Variants in DPF3 observed in about 807,000 individuals in gnomAD.
DPF3 encodes the protein zinc finger protein DPF3.
DPF3 carries 18 observed loss-of-function variants against 56.8 expected under a neutral mutation model. The observed-to-expected ratio is 0.32, with a 90% CI of 0.22 to 0.47. DPF3 has a LOEUF of 0.47. DPF3 is among the 20% of genes least tolerant of loss of function. The probability of loss-of-function intolerance (pLI) is 1.00; values close to 1 mark genes in which losing one functional copy is unlikely to be tolerated. For missense variants in DPF3, 403 were observed against 488.8 expected, an observed-to-expected ratio of 0.82 and a Z score of 1.65; for synonymous variants, 188 against 180.2, an observed-to-expected ratio of 1.04 and a Z score of -0.35.
At chr14:72,750,646 T>C (rs1170852586) in intron 3 of DPF3, among the ~76,000 whole-genome samples, 3 of 152,062 alleles carry the variant, frequency 2.0e-5, no homozygotes, top group Non-Finnish European at 4.4e-5. Context: ...TGAAGAAACT[T>C]TATATTTTGC....
At position 72,612,099 on chromosome 14, in the gene DPF3, T is replaced by C. The variant is rs1310869845; in HGVS notation, c.*7198A>G. On this transcript the variant is annotated 3_prime_UTR_variant, in exon 11 of 11. Transcript: ENST00000556509. Reference sequence around the variant, plus strand: ...TAACAGCCTGCCCTGCAATGATTCATGGCAGGCAAAAGATGGGTTCATTTT... The same window carrying C: ...TAACAGCCTGCCCTGCAATGATTCACGGCAGGCAAAAGATGGGTTCATTTT... Among the ~76,000 whole-genome samples, 4 of 152,164 alleles carry C rather than the reference T, an allele frequency of 2.6e-5. No homozygotes were observed. Among genetic ancestry groups the C allele is most frequent in the Non-Finnish European group, 5.9e-5 (4 of 68,018 alleles).
chr14:72,863,189 C>T (rs1885524503), intron 1 of DPF3, among the ~76,000 whole-genome samples: 1 of 143,746 alleles, frequency 7.0e-6, no homozygotes, highest in Non-Finnish European at 1.5e-5. Flanking sequence ...TATCCCCAGG[C>T]CTTTCTCAAG....
intron 3 of DPF3, among the ~76,000 whole-genome samples, chr14:72,743,804 T>C (rs955341327): frequency 6.6e-6 from 1 of 152,202 alleles, no homozygotes; most frequent in Non-Finnish European, 1.5e-5. Context: ...GGGAGGCCCC[T>C]TGCTGGCACC....
chr14:72,650,550 T>A (rs1280374064), intron 8 of DPF3, among the ~76,000 whole-genome samples: 1 of 152,166 alleles, frequency 6.6e-6, no homozygotes, highest in Non-Finnish European at 1.5e-5. Context: ...TCTTTGCACC[T>A]GACAGCTGAG....
chr14:72,844,371 G>C (rs1884667326), intron 1 of DPF3, among the ~76,000 whole-genome samples: 1 of 152,058 alleles, frequency 6.6e-6, no homozygotes, highest in African/African-American at 2.4e-5. Context: ...ACTCAATAAA[G>C]CTCTCTTCAT....
intron 6 of DPF3, among the ~76,000 whole-genome samples, chr14:72,704,897 G>C (rs1210405604): frequency 6.6e-6 from 1 of 152,026 alleles, no homozygotes; most frequent in Admixed American, 6.6e-5. Context: ...CCACCATCCA[G>C]ATTTCATGTC....
intron 1 of DPF3, among the ~76,000 whole-genome samples, chr14:72,867,592 A>C (rs1885724591): frequency 6.6e-6 from 1 of 152,180 alleles, no homozygotes; most frequent in African/African-American, 2.4e-5. Context: ...AGACATAAAA[A>C]CAAGAGCATC....
intron 9 of DPF3, among the ~76,000 whole-genome samples, chr14:72,627,563 T>G (rs1177048571): frequency 2.6e-5 from 4 of 152,096 alleles, no homozygotes; most frequent in Non-Finnish European, 5.9e-5. Flanking sequence ...GGCTTTACAG[T>G]ATGTTTTAAT....
At chr14:72,641,542 T>C (rs1599323575) in intron 8 of DPF3, among the ~76,000 whole-genome samples, 1 of 152,176 alleles carries the variant, frequency 6.6e-6, no homozygotes, top group Non-Finnish European at 1.5e-5. Context: ...CTGGGGCAGG[T>C]CCTGATGGAG....
rs904262206 is a variant in DPF3 at position 72,614,460 on chromosome 14, C to T, written c.*4837G>A. 1.3e-5 allele frequency among the ~76,000 whole-genome samples: 2 copies of T among 152,140 alleles called. No individual in the cohort carries two copies. Among genetic ancestry groups the T allele is most frequent in the East Asian group, 1.9e-4 (1 of 5,178 alleles). On this transcript the variant is annotated 3_prime_UTR_variant, in exon 11 of 11. Coordinates refer to ENST00000556509, the MANE Select transcript of DPF3 (RefSeq NM_001280542.3). Reference sequence around the variant, plus strand: ...AGGGGAGAGGAGCAGGATGGCCAGTCCCCCTCTTCCCTTCCCAGCTACTGG... The same window carrying T: ...AGGGGAGAGGAGCAGGATGGCCAGTTCCCCTCTTCCCTTCCCAGCTACTGG...
At chr14:72,685,955 G>C (rs1258292215) in intron 7 of DPF3, among the ~76,000 whole-genome samples, 1 of 152,132 alleles carries the variant, frequency 6.6e-6, no homozygotes, top group African/African-American at 2.4e-5. Flanking sequence ...TCTCTGGCTG[G>C]GTTTTATGAC....
At chr14:72,656,663 G>A (rs550157366) in intron 8 of DPF3, among the ~76,000 whole-genome samples, 1 of 152,126 alleles carries the variant, frequency 6.6e-6, no homozygotes, top group Admixed American at 6.5e-5. Flanking sequence ...CTAACTTCTG[G>A]GTGACTTCAT....
intron 8 of DPF3, among the ~76,000 whole-genome samples, chr14:72,664,575 G>A (rs757702286): frequency 1.5e-5 from 2 of 136,236 alleles, no homozygotes; most frequent in African/African-American, 2.8e-5. Flanking sequence ...CCCCACCCCT[G>A]TCCTGACATC....
At chr14:72,651,123 G>A (rs564925986) in intron 8 of DPF3, among the ~76,000 whole-genome samples, 29 of 152,298 alleles carry the variant, frequency 1.9e-4, no homozygotes, top group Admixed American at 6.5e-4. Flanking sequence ...AAGAGGTGGC[G>A]CAGAGCTAGA....
Position 72,859,620 on chromosome 14 carries a change from C to T in DPF3, c.32+34437G>A, listed in dbSNP as rs1447720022. Among the ~76,000 whole-genome samples, 4 of 152,250 alleles carry T rather than the reference C, an allele frequency of 2.6e-5. No homozygotes were observed. The East Asian group carries it at 7.7e-4, about 29-fold the overall frequency. On this transcript the variant is annotated intron_variant, in intron 1 of 10. Coordinates refer to ENST00000556509, the MANE Select transcript of DPF3 (RefSeq NM_001280542.3). Reference sequence around the variant, plus strand: ...GCCTGAGCAATGCTCCCACACACCTCCGCTCAAAGTCAGCTGTTTGCTGTA... The same window carrying T: ...GCCTGAGCAATGCTCCCACACACCTTCGCTCAAAGTCAGCTGTTTGCTGTA...
intron 2 of DPF3, among the ~76,000 whole-genome samples, chr14:72,759,068 T>A (rs927682992): frequency 5.9e-5 from 9 of 152,246 alleles, no homozygotes. Flanking sequence ...TTGTATGCTC[T>A]GTGTTCAAGT....
At chr14:72,731,391 G>A (rs1282309493) in intron 4 of DPF3, 1 of 167,208 alleles carries the variant, frequency 6.0e-6, no homozygotes, top group African/African-American at 2.6e-5. Context: ...TGGGTGTGAG[G>A]GTGGGGGGTG....
intron 5 of DPF3, among the ~76,000 whole-genome samples, chr14:72,718,551 T>C (rs1399955895): frequency 3.9e-5 from 6 of 152,210 alleles, no homozygotes; most frequent in African/African-American, 7.2e-5. Flanking sequence ...TATTCTCTAG[T>C]TTAAAATTTG....
intron 8 of DPF3, among the ~76,000 whole-genome samples, chr14:72,668,380 G>A (rs755763410): frequency 6.6e-6 from 1 of 151,910 alleles, no homozygotes; most frequent in Non-Finnish European, 1.5e-5. Flanking sequence ...TCTTGAGTCC[G>A]TTCAAAGACT....
Sources: gnomAD v4.1 joint callset for allele counts (sites outside exome capture counted in the v4.1 genomes callset) on GRCh38, gnomAD v4.1.1 for gene constraint, MANE v1.5 for transcripts, NCBI Gene and HGNC (gene_info 2026-07-23, HGNC 2026-07-21) for gene names.